Variants in TENM2 observed in about 807,000 individuals in gnomAD.
TENM2 encodes the protein teneurin-2.
Under a neutral mutation model 245.2 loss-of-function variants are expected in TENM2, and 52 were observed. The observed-to-expected ratio is 0.21, with a 90% CI of 0.17 to 0.27. The LOEUF (loss-of-function observed/expected upper bound fraction) is 0.27, where lower values mean the gene tolerates loss of function less well. Ranked by LOEUF, TENM2 falls within the 10% of genes least tolerant of loss-of-function variation. The pLI is 1.00. For missense variants in TENM2, 3,046 were observed against 3,666.8 expected, an observed-to-expected ratio of 0.83 and a Z score of 4.37; for synonymous variants, 1,363 against 1,438.9, an observed-to-expected ratio of 0.95 and a Z score of 1.19.
chr5:167,377,354 C>T (rs1760820350), intron 2 of TENM2, among the ~76,000 whole-genome samples: 1 of 152,052 alleles, frequency 6.6e-6, no homozygotes, highest in South Asian at 2.1e-4. Flanking sequence ...GCAATGCAGT[C>T]AGAATTACAT....
intron 3 of TENM2, among the ~76,000 whole-genome samples, chr5:167,915,381 C>T (rs1776859091): frequency 6.6e-6 from 1 of 152,176 alleles, no homozygotes; most frequent in South Asian, 2.1e-4. Flanking sequence ...CTCATCCCAA[C>T]TGAGCTTTCA....
At chr5:167,141,025 T>C in the TENM2 span, among the ~76,000 whole-genome samples, 1 of 152,206 alleles carries the variant, frequency 6.6e-6, no homozygotes, top group Non-Finnish European at 1.5e-5. Context: ...TTATATGTTC[T>C]GTTTGCCTTC....
intron 25 of TENM2, chr5:168,229,633 T>C (rs1764652568): frequency 6.6e-6 from 1 of 151,876 alleles, no homozygotes; most frequent in Admixed American, 6.6e-5. Context: ...TCCCTGAGAG[T>C]AGAAGGCTCA....
intron 27 of TENM2, among the ~76,000 whole-genome samples, chr5:168,253,429 A>AT (rs752953865): frequency 0.019 from 2,513 of 131,598 alleles, 58 homozygotes; most frequent in Middle Eastern, 0.043. Context: ...TCATTATTTT[A>AT]TTTTTTTTTT....
chr5:167,585,361 G>T (rs1270640472), intron 2 of TENM2, among the ~76,000 whole-genome samples: 4 of 152,194 alleles, frequency 2.6e-5, no homozygotes, highest in Non-Finnish European at 5.9e-5. Flanking sequence ...ATGTTTACAA[G>T]ATTTTGAACC....
At chr5:167,637,759 A>G (rs1200051644) in intron 2 of TENM2, among the ~76,000 whole-genome samples, 1 of 152,164 alleles carries the variant, frequency 6.6e-6, no homozygotes, top group African/African-American at 2.4e-5. Context: ...TGGGAGCTGA[A>G]CAATGAGAAC....
chr5:167,580,791 C>A (rs1241168132), intron 2 of TENM2, among the ~76,000 whole-genome samples: 1 of 152,188 alleles, frequency 6.6e-6, no homozygotes, highest in African/African-American at 2.4e-5. Flanking sequence ...GGAATTGAGA[C>A]CAGCCTGGCC....
chr5:168,002,082 G>GTGTCA (rs1446401001), intron 5 of TENM2, among the ~76,000 whole-genome samples: 1 of 152,220 alleles, frequency 6.6e-6, no homozygotes, highest in Admixed American at 6.5e-5. Flanking sequence ...TATGTAATAT[G>GTGTCA]TGTCATCTTT....
rs575569694 is a variant in TENM2 at position 167,941,678 on chromosome 5, C to A, written c.713-10910C>A. 2.9e-5 allele frequency among the ~76,000 whole-genome samples: 4 copies of A among 135,928 alleles called. No individual in the cohort carries two copies. In the East Asian group the frequency reaches 8.4e-4, roughly 28 times the overall value. 89.2% of individuals were successfully genotyped at this position (135,928 alleles called of 152,430 possible). ...CCCGGGCAACATAGCAAAATCCCAT[C>A]TCTACCAAAAAAAAAAAAAAAAAAA... On this transcript the variant is annotated intron_variant, in intron 3 of 28. Coordinates refer to ENST00000518659, the Ensembl canonical transcript of TENM2.
rs574530741 is a variant in TENM2 at position 167,362,921 on chromosome 5, GGTGT to G, written c.227-12268_227-12265del. Reference sequence around the variant, plus strand: ...AATAGCTAATATCGATCGACTTATTGGTGTGTGTGTGTTTGTTACACACACCTAC... The same window carrying G: ...AATAGCTAATATCGATCGACTTATTGGTGTGTGTTTGTTACACACACCTAC... On this transcript the variant is annotated intron_variant, in intron 1 of 28. Coordinates refer to ENST00000518659, the Ensembl canonical transcript of TENM2. Among the ~76,000 whole-genome samples the G allele has an allele frequency of 2.6e-4, 40 of 151,718 alleles. No individual in the cohort carries two copies. The South Asian group carries it at 5.0e-3, about 19-fold the overall frequency.
the TENM2 span, among the ~76,000 whole-genome samples, chr5:167,200,270 C>G: frequency 2.7e-3 from 407 of 152,164 alleles, 2 homozygotes; most frequent in African/African-American, 9.3e-3. Context: ...AGTAGATTCC[C>G]TCCAAGGGCC....
chr5:167,690,967 GTGT>G (rs1757398481), intron 2 of TENM2, among the ~76,000 whole-genome samples: 2 of 148,344 alleles, frequency 1.3e-5, no homozygotes, highest in African/African-American at 5.0e-5. Flanking sequence ...GTGTGTGTGT[GTGT>G]AGAGAGAGAG....
chr5:167,268,138 A>G, the TENM2 span, among the ~76,000 whole-genome samples: 17,169 of 152,162 alleles, frequency 0.11, 1,138 homozygotes, highest in East Asian at 0.18. Context: ...AAAATAAGAT[A>G]TAGAGGCATA....
the TENM2 span, among the ~76,000 whole-genome samples, chr5:167,153,675 A>G: frequency 1.5e-4 from 23 of 152,052 alleles, no homozygotes; most frequent in Middle Eastern, 3.4e-3. Flanking sequence ...AAATATATAT[A>G]TATATATACA....
chr5:167,742,177 C>T (rs10065043), intron 2 of TENM2, among the ~76,000 whole-genome samples: 33,072 of 152,008 alleles, frequency 0.22, 3,919 homozygotes, highest in East Asian at 0.45. Context: ...ATCTGATATT[C>T]ACTCTTAACT....
intron 2 of TENM2, among the ~76,000 whole-genome samples, chr5:167,408,412 T>A (rs1355682709): frequency 6.6e-6 from 1 of 152,138 alleles, no homozygotes; most frequent in Non-Finnish European, 1.5e-5. Context: ...ATTCTTACTC[T>A]TGTTGTATTG....
chr5:168,044,242 C>T (rs561458050), intron 5 of TENM2, among the ~76,000 whole-genome samples: 21 of 152,184 alleles, frequency 1.4e-4, no homozygotes, highest in African/African-American at 4.8e-4. Flanking sequence ...GGTGAAACCC[C>T]GTCTCTACTA....
At chr5:167,018,272 C>A in the TENM2 span, among the ~76,000 whole-genome samples, 2 of 152,022 alleles carry the variant, frequency 1.3e-5, no homozygotes, top group African/African-American at 2.4e-5. Context: ...TGCAATGGGT[C>A]ATTGTTACAC....
chr5:168,103,922 G>A lies in TENM2; in HGVS notation c.1813+5795G>A, dbSNP rs117409148. On this transcript the variant is annotated intron_variant, in intron 9 of 28. Transcript: ENST00000518659. ...TTGGCTAGCAAGTGCCGAGACAGGT[G>A]CACCTGAGTCTCCTGCTCCCCAGAA... Among the ~76,000 whole-genome samples the A allele has an allele frequency of 1.5e-3, 229 of 152,324 alleles. 3 individuals carry two copies. In the East Asian group the frequency reaches 0.039, roughly 26 times the overall value.
Sources: allele counts gnomAD v4.1 joint callset (sites outside exome capture counted in the v4.1 genomes callset), GRCh38; gene constraint gnomAD v4.1.1; transcripts MANE v1.5; gene names NCBI Gene and HGNC (gene_info 2026-07-23, HGNC 2026-07-21).